SARDH: variants seen among roughly 807,000 people sequenced by gnomAD.
SARDH encodes the protein sarcosine dehydrogenase, mitochondrial.
In SARDH, 95 loss-of-function variants were observed where a neutral mutation model predicts 109.1. That is an observed-to-expected ratio of 0.87 (90% CI 0.74 to 1.03). The LOEUF (loss-of-function observed/expected upper bound fraction) is 1.03. Ranked by LOEUF, SARDH falls within the 50% of genes least tolerant of loss-of-function variation. The pLI is 0.00. For missense variants in SARDH, 1,267 were observed against 1,287.8 expected, an observed-to-expected ratio of 0.98 and a Z score of 0.25; for synonymous variants, 572 against 534.8, an observed-to-expected ratio of 1.07 and a Z score of -0.96.
At chr9:133,670,893 C>T (rs1327536471) in intron 18 of SARDH, 141 bp from the exon 19 acceptor site, 9 of 1,246,064 alleles carry the variant, frequency 7.2e-6, no homozygotes, top group Non-Finnish European at 9.6e-6. Context: ...GGGCAGGAGG[C>T]AGGGGCATCC....
intron 19 of SARDH, among the ~76,000 whole-genome samples, chr9:133,669,523 C>T (rs1830260328): frequency 6.6e-6 from 1 of 151,680 alleles, no homozygotes; most frequent in South Asian, 2.1e-4. Context: ...AGGGCCTGAT[C>T]TTCTCAGACT....
Position 133,693,955 on chromosome 9 carries a change from C to T in SARDH, c.1921+303G>A, listed in dbSNP as rs1588412778. ...TGGGAGGCACGGCCTAGCATTGGTA[C>T]GCTTTGTTCCGGGAAACCGAGCCGA... On this transcript the variant is annotated intron_variant, in intron 15 of 20. Transcript: ENST00000439388. This position sits in a 1 kb window ranked among gnomAD's most constrained non-coding sequence, Gnocchi z 5.6. Among the ~76,000 whole-genome samples the T allele has an allele frequency of 1.3e-5, 2 of 152,186 alleles. No individual in the cohort carries two copies. The highest frequency in any genetic ancestry group is 2.4e-5 in the African/African-American group (1 of 41,444).
rs951807515 is a variant in SARDH, at chr9:133,692,627, AG to A, written c.1921+1630del. 6.6e-6 allele frequency among the ~76,000 whole-genome samples: 1 copy of A among 151,762 alleles called. No homozygotes were observed. The highest frequency in any genetic ancestry group is 2.4e-5 in the African/African-American group (1 of 41,272). Reference sequence around the variant, plus strand: ...CCCATCCCCTTGCATGTCCCCCTCCAGGTGTTACGGGGCCCTTCCTGCCCCC... The same window carrying A: ...CCCATCCCCTTGCATGTCCCCCTCCAGTGTTACGGGGCCCTTCCTGCCCCC... On this transcript the variant is annotated intron_variant, in intron 15 of 20. Transcript: ENST00000439388. This position sits in a 1 kb window ranked among gnomAD's most constrained non-coding sequence, Gnocchi z 5.0.
chr9:133,727,122 C>T (rs550234040), intron 6 of SARDH, among the ~76,000 whole-genome samples: 1 of 152,300 alleles, frequency 6.6e-6, no homozygotes, highest in African/African-American at 2.4e-5. Context: ...CTGTGAAACC[C>T]CCTAACAGCG....
At chr9:133,714,783 G>C (rs912738000) in intron 8 of SARDH, among the ~76,000 whole-genome samples, 1 of 152,130 alleles carries the variant, frequency 6.6e-6, no homozygotes, top group Non-Finnish European at 1.5e-5. Flanking sequence ...TTTAAAAAAG[G>C]GGGGATTGGG....
chr9:133,683,720 C>T (rs1034748516), intron 17 of SARDH, among the ~76,000 whole-genome samples: 3 of 152,222 alleles, frequency 2.0e-5, no homozygotes, highest in East Asian at 1.9e-4. Flanking sequence ...TGACAGTCAT[C>T]GCCAGATTGT....
rs1443985872 is a variant in SARDH, at chr9:133,663,846, AG to A, written c.*42del. ...GACCCAGGGCCATTTGGGACCTGTG[AG>A]AATGGATGGACAGCATGGGATGGGG... On this transcript the variant is annotated 3_prime_UTR_variant, in exon 21 of 21. Coordinates refer to ENST00000439388, the MANE Select transcript of SARDH (RefSeq NM_001134707.2). The A allele has an allele frequency of 1.2e-6, 2 of 1,610,016 alleles. No individual in the cohort carries two copies. The highest frequency in any genetic ancestry group is 1.1e-5 in the South Asian group (1 of 90,434).
Position 133,703,027 on chromosome 9 carries a change from G to T in SARDH, c.1557C>A (p.Val519=). The T allele has an allele frequency of 6.2e-7, 1 of 1,612,338 alleles. No homozygotes were observed. Among genetic ancestry groups the T allele is most frequent in the Non-Finnish European group, 8.5e-7 (1 of 1,179,662 alleles). Residue 519 remains valine (V), a splice_region_variant and synonymous_variant, in exon 13 of 21, where the codon GTC becomes GTA. Transcript: ENST00000439388. The part of the protein sequence containing the change: ...GWFHPRGPAP[V]LEYDYYGAYG... ...AAGCCCCGTAGTAGTCGTACTCGAG[G>T]ACCTGGGAAGAAAAGACGTGGTCCT...
chr9:133,667,814 C>T lies in SARDH; in HGVS notation c.2496-944G>A, dbSNP rs754928015. On this transcript the variant is annotated intron_variant, in intron 19 of 20. Transcript: ENST00000439388. ...TTAGGACGAGGCTGGAAGGAGGTTTCGTAAACATCTTTGGTGTCACCCTAG... is the reference window on the plus strand; with the variant it reads ...TTAGGACGAGGCTGGAAGGAGGTTTTGTAAACATCTTTGGTGTCACCCTAG... Among the ~76,000 whole-genome samples the T allele has an allele frequency of 8.5e-5, 13 of 152,204 alleles. No individual in the cohort carries two copies. The East Asian group carries it at 1.2e-3, about 14-fold the overall frequency.
intron 6 of SARDH, among the ~76,000 whole-genome samples, chr9:133,721,731 G>C (rs1234069823): frequency 2.0e-5 from 3 of 152,170 alleles, no homozygotes; most frequent in Non-Finnish European, 2.9e-5. Context: ...TGACACAACT[G>C]GGGAAAAATA....
intron 16 of SARDH, among the ~76,000 whole-genome samples, chr9:133,689,525 C>T (rs750967854): frequency 5.3e-5 from 8 of 152,294 alleles, no homozygotes; most frequent in Non-Finnish European, 7.4e-5. Flanking sequence ...ACAAGGGGGA[C>T]GCATCCCCAT....
chr9:133,702,893 C>CA (rs1564270052), intron 13 of SARDH, 23 bp downstream of exon 13: 1 of 1,605,514 alleles, frequency 6.2e-7, no homozygotes, highest in Non-Finnish European at 8.5e-7. Flanking sequence ...GACGGACCCC[C>CA]ACGGTGGACC....
intron 8 of SARDH, 133 bp from the exon 9 acceptor site, chr9:133,713,257 C>T (rs1201681583): frequency 1.4e-6 from 1 of 703,654 alleles, no homozygotes; most frequent in Non-Finnish European, 2.4e-6. Context: ...TCCTCTAGGC[C>T]CTGCTCAGCG....
chr9:133,689,689 G>A (rs1441107613), intron 16 of SARDH, among the ~76,000 whole-genome samples: 1 of 152,124 alleles, frequency 6.6e-6, no homozygotes, highest in Admixed American at 6.5e-5. Context: ...GCAAGTCACA[G>A]GTGCTCCACT....
At chr9:133,729,911 GAGCTGCC>G in intron 5 of SARDH, 46 bp from the exon 6 acceptor site, 1 of 1,603,392 alleles carries the variant, frequency 6.2e-7, no homozygotes, top group Non-Finnish European at 8.5e-7. Flanking sequence ...CACCTGGTGG[GAGCTGCC>G]TCTCAGGTGT....
intron 17 of SARDH, among the ~76,000 whole-genome samples, chr9:133,679,232 G>A (rs1830614728): frequency 2.0e-5 from 3 of 152,204 alleles, no homozygotes; most frequent in African/African-American, 7.2e-5. Flanking sequence ...ATGATATCGG[G>A]TATCTGTCTC....
Position 133,732,530 on chromosome 9 carries a change from G to A in SARDH, c.403C>T (p.Arg135Trp), listed in dbSNP as rs558572942. ...AGTCCCGTCTCCTCCTCCAGCTCCC[G>A]GCTCACCACCCGCCGAGTGTGGGCC... ...LLAHTRRVVS[R>W]ELEEETGLHT... Residue 135 changes from arginine (R) to tryptophan (W), a missense_variant, in exon 3 of 21, where the codon CGG becomes TGG. Transcript: ENST00000439388. 14 of 1,613,796 alleles carry A rather than the reference G, an allele frequency of 8.7e-6. No homozygotes were observed. Among genetic ancestry groups the A allele is most frequent in the Admixed American group, 1.7e-5 (1 of 60,012 alleles).
At chr9:133,695,399 C>T (rs553453420) in intron 14 of SARDH, among the ~76,000 whole-genome samples, 5 of 152,304 alleles carry the variant, frequency 3.3e-5, no homozygotes, top group East Asian at 1.9e-4. Context: ...GCTGAGATCG[C>T]GCCATTGCAC....
rs552442660 is a variant in SARDH, at chr9:133,667,457, C to T, written c.2496-587G>A. 1.8e-4 allele frequency among the ~76,000 whole-genome samples: 28 copies of T among 152,016 alleles called. No individual in the cohort carries two copies. The East Asian group carries it at 5.0e-3, about 27-fold the overall frequency. ...CTGGGATTACAGACTTGAGCCACTG[C>T]GCCCGGCCAGGTTCATTTTTTTTAT... On this transcript the variant is annotated intron_variant, in intron 19 of 20. Transcript: ENST00000439388.
Sources: allele counts gnomAD v4.1 joint callset (sites outside exome capture counted in the v4.1 genomes callset), GRCh38; gene constraint gnomAD v4.1.1; non-coding constraint Gnocchi (gnomAD v3.1); transcripts MANE v1.5; gene names NCBI Gene and HGNC (gene_info 2026-07-23, HGNC 2026-07-21).